Variants in XPNPEP1 observed in about 807,000 individuals in gnomAD.
The protein encoded by XPNPEP1 is xaa-Pro aminopeptidase 1.
XPNPEP1 carries 39 observed loss-of-function variants against 92.4 expected under a neutral mutation model. The observed-to-expected ratio is 0.42, with a 90% CI of 0.33 to 0.55. The LOEUF (loss-of-function observed/expected upper bound fraction) is 0.55, where lower values mean the gene tolerates loss of function less well. XPNPEP1 is among the 20% of genes least tolerant of loss of function. The probability of loss-of-function intolerance (pLI) is 0.08; values close to 1 mark genes in which losing one functional copy is unlikely to be tolerated. For synonymous variants in XPNPEP1, 307 were observed against 299.4 expected (o/e 1.03, Z -0.26); for missense variants, 654 against 856.1 (o/e 0.76, Z 2.95).
chr10:109,899,221 T>C (rs1849146935), intron 3 of XPNPEP1, among the ~76,000 whole-genome samples: 1 of 152,244 alleles, frequency 6.6e-6, no homozygotes, highest in African/African-American at 2.4e-5. Flanking sequence ...GGAAAGTAGC[T>C]GCCCAGCCAG....
chr10:109,893,259 T>G (rs1848801881), intron 3 of XPNPEP1, 184 bp from the exon 4 acceptor site: 1 of 532,872 alleles, frequency 1.9e-6, no homozygotes. Context: ...AAGATTGAAT[T>G]AATTAAGGGC....
At position 109,873,415 on chromosome 10, in the gene XPNPEP1, T is replaced by G. The variant is rs1215310560; in HGVS notation, c.1404A>C (p.Thr468=). 3 of 1,614,196 alleles carry G rather than the reference T, an allele frequency of 1.9e-6. No individual in the cohort carries two copies. Among genetic ancestry groups the G allele is most frequent in the African/African-American group, 2.7e-5 (2 of 75,058 alleles). Residue 468 remains threonine (T), a synonymous_variant, in exon 16 of 21, where the codon ACA becomes ACC. Transcript: ENST00000502935. ...CAAAATGCATTGTCCGCGTCACATCTGTGGTGCCATCCCTTTCCAAAAAAA... is the reference window on the plus strand; with the variant it reads ...CAAAATGCATTGTCCGCGTCACATCGGTGGTGCCATCCCTTTCCAAAAAAA... ...DSGAQYKDGT[T]DVTRTMHFGT...
At chr10:109,872,045 T>C (rs1847515516) in intron 16 of XPNPEP1, among the ~76,000 whole-genome samples, 184 bp from the exon 17 acceptor site, 1 of 152,198 alleles carries the variant, frequency 6.6e-6, no homozygotes, top group Admixed American at 6.5e-5. Context: ...CCAGAAAATC[T>C]TGAAATTCAA....
chr10:109,896,524 C>T (rs1849002036), intron 3 of XPNPEP1, among the ~76,000 whole-genome samples: 1 of 150,856 alleles, frequency 6.6e-6, no homozygotes. Context: ...CCTGCCTCAG[C>T]CTCCCAAAGT....
intron 19 of XPNPEP1, 97 bp from the exon 20 acceptor site, chr10:109,868,809 G>A: frequency 8.7e-7 from 1 of 1,154,702 alleles, no homozygotes; most frequent in Non-Finnish European, 1.3e-6. Flanking sequence ...TCAGAGCCAG[G>A]GGTAACTGGG....
chr10:109,900,256 C>G (rs961761683), intron 3 of XPNPEP1, among the ~76,000 whole-genome samples: 2 of 152,164 alleles, frequency 1.3e-5, no homozygotes, highest in Non-Finnish European at 2.9e-5. Context: ...CCTCCCCTCC[C>G]CAGCCGTAGG....
rs905796285 is a variant in XPNPEP1 at position 109,907,167 on chromosome 10, T to C, written c.246+524A>G. On this transcript the variant is annotated intron_variant, in intron 3 of 20. Transcript: ENST00000502935. ...ACTCTTATATTATTTCATCTCTCAC[T>C]AAACCATAAGCCTAGTGAGAGCAGA... Among the ~76,000 whole-genome samples, 9 of 152,324 alleles carry C rather than the reference T, an allele frequency of 5.9e-5. No homozygotes were observed. The East Asian group carries it at 1.4e-3, about 23-fold the overall frequency.
At chr10:109,913,508 G>A (rs1849998259) in intron 2 of XPNPEP1, among the ~76,000 whole-genome samples, 1 of 152,224 alleles carries the variant, frequency 6.6e-6, no homozygotes, top group Non-Finnish European at 1.5e-5. Context: ...ACAGCTGAGG[G>A]AACGCTAAGG....
chr10:109,870,063 G>C, intron 18 of XPNPEP1, 34 bp from the exon 19 acceptor site: 1 of 1,609,632 alleles, frequency 6.2e-7, no homozygotes, highest in Non-Finnish European at 8.5e-7. Context: ...ATGAGAAGCA[G>C]CCCACGATGA....
At chr10:109,882,336 A>C in intron 10 of XPNPEP1, 96 bp downstream of exon 10, 1 of 1,433,120 alleles carries the variant, frequency 7.0e-7, no homozygotes, top group South Asian at 1.3e-5. Flanking sequence ...TTCTGATCCA[A>C]CAGGCAGCCT....
intron 1 of XPNPEP1, 69 bp from the exon 2 acceptor site, chr10:109,915,168 G>A (rs1181620019): frequency 3.2e-6 from 3 of 950,272 alleles, no homozygotes; most frequent in Middle Eastern, 2.2e-4. Flanking sequence ...TCAGTTAGAG[G>A]AGGCATCGCT....
intron 2 of XPNPEP1, 31 bp from the exon 3 acceptor site, chr10:109,907,846 C>G: frequency 6.2e-7 from 1 of 1,612,594 alleles, no homozygotes; most frequent in Non-Finnish European, 8.5e-7. Flanking sequence ...ATTTCAAAAC[C>G]AGCCTGCCCC....
intron 7 of XPNPEP1, among the ~76,000 whole-genome samples, chr10:109,886,721 T>G (rs1848411562): frequency 6.6e-6 from 1 of 152,166 alleles, no homozygotes; most frequent in African/African-American, 2.4e-5. Context: ...AAACCAGCAA[T>G]TAACACACTA....
intron 15 of XPNPEP1, among the ~76,000 whole-genome samples, chr10:109,875,089 A>C (rs981178589): frequency 6.6e-6 from 1 of 152,232 alleles, no homozygotes; most frequent in Non-Finnish European, 1.5e-5. Flanking sequence ...CCGTGAAAGC[A>C]GCAAAACATG....
intron 17 of XPNPEP1, 92 bp from the exon 18 acceptor site, chr10:109,870,996 C>T: frequency 2.1e-5 from 30 of 1,433,268 alleles, no homozygotes; most frequent in Non-Finnish European, 2.8e-5. Context: ...AAACAGAAAC[C>T]AATAGGTAAG....
Position 109,880,206 on chromosome 10 carries a change from A to G in XPNPEP1, c.1164T>C (p.Phe388=), listed in dbSNP as rs375325086. The G allele has an allele frequency of 1.1e-5, 17 of 1,613,942 alleles. No individual in the cohort carries two copies. Among genetic ancestry groups the G allele is most frequent in the Non-Finnish European group, 1.4e-5 (17 of 1,180,040 alleles). Residue 388 remains phenylalanine, a synonymous_variant, in exon 12 of 21, where the codon TTT becomes TTC. Transcript: ENST00000502935. ...AACCAACCTCTTTCTCCAGCCAGTT[A>G]AAGAGTTCACAGAGAGCAACAGCAT... is the stretch of plus-strand genomic sequence containing the variant. ...IKDAVALCEL[F]NWLEKEVPKG...
At chr10:109,869,232 T>C (rs923292295) in intron 19 of XPNPEP1, among the ~76,000 whole-genome samples, 22 of 152,200 alleles carry the variant, frequency 1.4e-4, no homozygotes, top group African/African-American at 4.3e-4. Context: ...CTTCCAAGAA[T>C]AGTGACTTCC....
intron 1 of XPNPEP1, 60 bp downstream of exon 1, chr10:109,923,342 C>G: frequency 7.2e-7 from 1 of 1,385,216 alleles, no homozygotes; most frequent in African/African-American, 1.5e-5. Flanking sequence ...GCAACACGCG[C>G]GGCCGCGCAG....
intron 1 of XPNPEP1, 170 bp downstream of exon 1, chr10:109,923,232 C>G: frequency 2.0e-6 from 2 of 985,338 alleles, no homozygotes; most frequent in Non-Finnish European, 2.4e-6. Flanking sequence ...GCCTCATGGA[C>G]CCCTTCCCCC....
Sources: allele counts gnomAD v4.1 joint callset (sites outside exome capture counted in the v4.1 genomes callset), GRCh38; gene constraint gnomAD v4.1.1; transcripts MANE v1.5; gene names NCBI Gene and HGNC (gene_info 2026-07-23, HGNC 2026-07-21).